BRPF3: variants seen among roughly 807,000 people sequenced by gnomAD.
The protein encoded by BRPF3 is bromodomain and PHD finger containing 3.
Under a neutral mutation model 102.0 loss-of-function variants are expected in BRPF3, and 18 were observed. The observed-to-expected ratio is 0.18, with a 90% CI of 0.12 to 0.26. BRPF3 has a LOEUF of 0.26. Among genes scored for constraint, BRPF3 ranks in the 10% least tolerant of loss-of-function variants. The probability of loss-of-function intolerance (pLI) is 1.00; values close to 1 mark genes in which losing one functional copy is unlikely to be tolerated. For missense variants in BRPF3, 1,147 were observed against 1,567.8 expected, an observed-to-expected ratio of 0.73 and a Z score of 4.53; for synonymous variants, 570 against 614.2, an observed-to-expected ratio of 0.93 and a Z score of 1.06.
At chr6:36,199,822 C>A (rs1203067798) in intron 1 of BRPF3, among the ~76,000 whole-genome samples, 1 of 152,194 alleles carries the variant, frequency 6.6e-6, no homozygotes, top group Non-Finnish European at 1.5e-5. Flanking sequence ...TGTTTGATTT[C>A]TTCTTTCATT....
rs1767638068 is a variant in BRPF3, at chr6:36,200,059, G to A, written c.-26-238G>A. On this transcript the variant is annotated intron_variant, in intron 1 of 12. Coordinates refer to ENST00000357641, the MANE Select transcript of BRPF3 (RefSeq NM_015695.3). This position sits in a 1 kb window ranked among gnomAD's most constrained non-coding sequence, Gnocchi z 5.3. ...AATGAAAGGTAGATTGCTGGTGGAGGAAAAGGATTTGCAATTTTAGATAAA... is the reference window on the plus strand; with the variant it reads ...AATGAAAGGTAGATTGCTGGTGGAGAAAAAGGATTTGCAATTTTAGATAAA... 6.6e-6 allele frequency among the ~76,000 whole-genome samples: 1 copy of A among 152,214 alleles called. No homozygotes were observed. Among genetic ancestry groups the A allele is most frequent in the South Asian group, 2.1e-4 (1 of 4,832 alleles).
At chr6:36,217,658 T>A (rs142560431) in intron 8 of BRPF3, among the ~76,000 whole-genome samples, 91 of 152,326 alleles carry the variant, frequency 6.0e-4, no homozygotes, top group African/African-American at 2.0e-3. Flanking sequence ...AGCTGTGTGC[T>A]ATGGTTTCCT....
chr6:36,230,287 C>T lies in BRPF3; in HGVS notation c.3435-139C>T, dbSNP rs573880464. ...CTGCTAGGTTCTTGGTGGCCTCCTG[C>T]ATGGAGTCCCCCAATTTGCTTCCCT... On this transcript the variant is annotated intron_variant, in intron 12 of 12. Transcript: ENST00000357641. This position sits in a 1 kb window ranked among gnomAD's most constrained non-coding sequence, Gnocchi z 5.4. 1.1e-4 allele frequency: 76 copies of T among 714,686 alleles called. No homozygotes were observed. The highest frequency in any genetic ancestry group is 7.2e-4 in the Middle Eastern group (2 of 2,760). 44.3% of individuals were successfully genotyped at this position (714,686 alleles called of 1,614,324 possible).
At position 36,210,060 on chromosome 6, in the gene BRPF3, G is replaced by A. The variant is rs1367723758; in HGVS notation, c.1866+145G>A. On this transcript the variant is annotated intron_variant, in intron 5 of 12. Transcript: ENST00000357641. The surrounding 1 kb of genome is among the most constrained non-coding windows in gnomAD (Gnocchi z 4.7). ...CAAAGCTAGTAGACTTGCCCTTGATGAGGGGTCAGCAGGCCAGGGTGGGCC... is the reference window on the plus strand; with the variant it reads ...CAAAGCTAGTAGACTTGCCCTTGATAAGGGGTCAGCAGGCCAGGGTGGGCC... 14 of 1,415,052 alleles carry A rather than the reference G, an allele frequency of 9.9e-6. No homozygotes were observed. In the Admixed American group the frequency reaches 2.8e-4, roughly 28 times the overall value. The allele number at this position is 1,415,052 out of a possible 1,614,324, so 87.7% of individuals were successfully genotyped here. A position where few individuals can be genotyped will look rare whatever the true frequency, so the allele number is the denominator to read the frequency against.
At chr6:36,204,525 T>G in intron 2 of BRPF3, 133 bp from the exon 3 acceptor site, 5 of 944,950 alleles carry the variant, frequency 5.3e-6, no homozygotes, top group Non-Finnish European at 8.5e-6. Context: ...TTCTCTGAGG[T>G]GAGGTATTTG....
chr6:36,216,435 G>A (rs549646102), intron 8 of BRPF3, among the ~76,000 whole-genome samples: 6 of 152,306 alleles, frequency 3.9e-5, no homozygotes, highest in African/African-American at 1.4e-4. Flanking sequence ...CATCCCAGTT[G>A]CCTGGCACTC....
At chr6:36,209,686 T>C in intron 4 of BRPF3, 101 bp from the exon 5 acceptor site, 3 of 1,451,474 alleles carry the variant, frequency 2.1e-6, no homozygotes, top group Non-Finnish European at 2.8e-6. Context: ...TCTATGAAAA[T>C]TTGTTGTACA....
chr6:36,219,916 A>C (rs770172377), intron 9 of BRPF3, among the ~76,000 whole-genome samples: 1 of 152,298 alleles, frequency 6.6e-6, no homozygotes, highest in African/African-American at 2.4e-5. Flanking sequence ...TTTTCTGAGC[A>C]GGTTGGTGCT....
intron 2 of BRPF3, among the ~76,000 whole-genome samples, chr6:36,202,712 C>G (rs943877191): frequency 6.6e-6 from 1 of 152,144 alleles, no homozygotes; most frequent in Non-Finnish European, 1.5e-5. Context: ...TTTATTCATT[C>G]AATGATATAT....
rs141376475 is a variant in BRPF3 at position 36,202,257 on chromosome 6, A to C, written c.1448+487A>C. 2.7e-3 allele frequency among the ~76,000 whole-genome samples: 414 copies of C among 152,300 alleles called. 3 individuals carry two copies. The highest frequency in any genetic ancestry group is 9.3e-3 in the African/African-American group (388 of 41,568). On this transcript the variant is annotated intron_variant, in intron 2 of 12. Transcript: ENST00000357641. ...TTACCCAGTGAAGAACCACTGTTTC[A>C]GAGGATCGGCATGGCCATCTGCTGT...
chr6:36,205,834 C>T (rs1276171527), intron 3 of BRPF3, among the ~76,000 whole-genome samples: 5 of 152,238 alleles, frequency 3.3e-5, no homozygotes, highest in African/African-American at 1.2e-4. Context: ...GTCTTGTCCT[C>T]ATCCCTTTTT....
At chr6:36,214,455 C>G (rs1217279485) in intron 8 of BRPF3, 69 bp downstream of exon 8, 1 of 1,480,618 alleles carries the variant, frequency 6.8e-7, no homozygotes, top group Admixed American at 2.4e-5. Flanking sequence ...CAACCAGCAC[C>G]TTCCCCAATT....
At chr6:36,217,888 C>T (rs1768386465) in intron 8 of BRPF3, 29 bp from the exon 9 acceptor site, 3 of 1,603,684 alleles carry the variant, frequency 1.9e-6, no homozygotes, top group Non-Finnish European at 2.6e-6. Context: ...GATTTCTGCA[C>T]TCAGACTCAC....
intron 4 of BRPF3, among the ~76,000 whole-genome samples, chr6:36,207,853 C>T (rs1391212349): frequency 6.6e-6 from 1 of 152,182 alleles, no homozygotes; most frequent in African/African-American, 2.4e-5. Context: ...GGTCCTGAAT[C>T]ATTTACATTT....
At chr6:36,217,329 C>T (rs16886558) in intron 8 of BRPF3, among the ~76,000 whole-genome samples, 1,659 of 152,294 alleles carry the variant, frequency 0.011, 34 homozygotes, top group African/African-American at 0.037. Context: ...TTTAGTTCCG[C>T]TGAAGAGTGC....
chr6:36,224,874 G>C (rs975937708), intron 10 of BRPF3, among the ~76,000 whole-genome samples: 1 of 152,162 alleles, frequency 6.6e-6, no homozygotes, highest in Non-Finnish European at 1.5e-5. Context: ...AAAATCAAAA[G>C]AAGAATGATA....
rs964570729 is a variant in BRPF3 at position 36,201,494 on chromosome 6, C to T, written c.1172C>T (p.Ala391Val). 2.1e-5 allele frequency: 34 copies of T among 1,614,030 alleles called. No homozygotes were observed. The East Asian group carries it at 5.1e-4, about 24-fold the overall frequency. The change falls in exon 2 of 13, where the codon GCG (alanine) becomes GTG (valine). Residue 391 changes from alanine (A) to valine (V), a missense_variant. Transcript: ENST00000357641. This position sits in a 1 kb window ranked among gnomAD's most constrained non-coding sequence, Gnocchi z 5.1. The stretch of plus-strand genomic sequence containing the variant: ...TGTGAGGCCCACTCGCCACCAGGTG[C>T]GGCCACTGCTAGGAGGAAGGGCGAC... ...AYCEAHSPPG[A>V]ATARRKGDSP...
chr6:36,208,004 C>T (rs1052868574), intron 4 of BRPF3, among the ~76,000 whole-genome samples: 12 of 152,210 alleles, frequency 7.9e-5, no homozygotes, highest in African/African-American at 2.7e-4. Flanking sequence ...TACAGACTAC[C>T]TGTATGACAT....
At chr6:36,217,383 G>A (rs962179053) in intron 8 of BRPF3, among the ~76,000 whole-genome samples, 25 of 152,318 alleles carry the variant, frequency 1.6e-4, no homozygotes, top group African/African-American at 6.0e-4. Context: ...ATCTCAGGGT[G>A]TGGTTGACAA....
Sources: allele counts gnomAD v4.1 joint callset (sites outside exome capture counted in the v4.1 genomes callset), GRCh38; gene constraint gnomAD v4.1.1; non-coding constraint Gnocchi (gnomAD v3.1); transcripts MANE v1.5; gene names NCBI Gene and HGNC (gene_info 2026-07-23, HGNC 2026-07-21).